SMOC2: variants seen among roughly 807,000 people sequenced by gnomAD.
SMOC2 encodes SPARC related modular calcium binding 2.
A neutral mutation model predicts 61.4 loss-of-function variants in SMOC2; 39 were observed. That is an observed-to-expected ratio of 0.64 (90% confidence interval 0.49 to 0.83). The LOEUF (loss-of-function observed/expected upper bound fraction) is 0.83, where lower values mean the gene tolerates loss of function less well. SMOC2 is among the 40% of genes least tolerant of loss of function. The probability of loss-of-function intolerance (pLI) is 0.00; values close to 1 mark genes in which losing one functional copy is unlikely to be tolerated. For synonymous variants in SMOC2, 247 were observed against 239.9 expected (o/e 1.03, Z -0.27); for missense variants, 556 against 592.9 (o/e 0.94, Z 0.65).
chr6:168,641,078 C>T (rs1195473459), intron 9 of SMOC2, among the ~76,000 whole-genome samples: 1 of 152,052 alleles, frequency 6.6e-6, no homozygotes, highest in Non-Finnish European at 1.5e-5. Flanking sequence ...AAAATTCAGG[C>T]AGAAATAGTT....
At chr6:168,456,981 G>A (rs1454222927) in intron 1 of SMOC2, among the ~76,000 whole-genome samples, 1 of 152,150 alleles carries the variant, frequency 6.6e-6, no homozygotes, top group Non-Finnish European at 1.5e-5. Context: ...TGAAGAAGCT[G>A]CTCGGGACAA....
In SMOC2 at chr6:168,486,110, G is replaced by A. The variant is rs573827170; in HGVS notation, c.85-23805G>A. ...ATTTATCTTCTCTACTTCTTACTGT[G>A]GGGACTGTTTGTCTTAGTGTCCCTG... is the stretch of plus-strand genomic sequence containing the variant. On this transcript the variant is annotated intron_variant, in intron 1 of 12. Coordinates refer to ENST00000356284, the MANE Select transcript of SMOC2 (RefSeq NM_001166412.2). Among the ~76,000 whole-genome samples, 7 of 152,234 alleles carry A rather than the reference G, an allele frequency of 4.6e-5. No individual in the cohort carries two copies. In the East Asian group the frequency reaches 7.7e-4, roughly 17 times the overall value.
chr6:168,558,896 T>C (rs1456454444), intron 7 of SMOC2, among the ~76,000 whole-genome samples: 2 of 151,902 alleles, frequency 1.3e-5, no homozygotes, highest in Non-Finnish European at 2.9e-5. Flanking sequence ...TGCGTGTGCA[T>C]GTGTGTGCAC....
chr6:168,571,364 C>G (rs1784661066), intron 7 of SMOC2, among the ~76,000 whole-genome samples: 1 of 152,134 alleles, frequency 6.6e-6, no homozygotes, highest in African/African-American at 2.4e-5. Flanking sequence ...ATGCCTGTGC[C>G]GTCGGCAAAT....
chr6:168,611,188 G>T (rs1306117175), intron 9 of SMOC2, among the ~76,000 whole-genome samples: 2 of 152,078 alleles, frequency 1.3e-5, no homozygotes, highest in Non-Finnish European at 2.9e-5. Flanking sequence ...TGGTGTGTCT[G>T]TTGGGCCCTA....
intron 2 of SMOC2, among the ~76,000 whole-genome samples, chr6:168,525,113 C>A (rs570730702): frequency 1.3e-5 from 2 of 152,200 alleles, no homozygotes; most frequent in Non-Finnish European, 2.9e-5. Flanking sequence ...TCTGGAAATA[C>A]GTTTTTTAAA....
At position 168,553,236 on chromosome 6, in the gene SMOC2, A is replaced by C. The variant is rs1356272720; in HGVS notation, c.637+4033A>C. On this transcript the variant is annotated intron_variant, in intron 7 of 12. Transcript: ENST00000356284. This position sits in a 1 kb window ranked among gnomAD's most constrained non-coding sequence, Gnocchi z 4.2. ...GTGAATCATATACATTAAATAAACGAGTAAAATCTGAAGTTGCCTGTTACT... is the reference window on the plus strand; with the variant it reads ...GTGAATCATATACATTAAATAAACGCGTAAAATCTGAAGTTGCCTGTTACT... Among the ~76,000 whole-genome samples, 1 of 152,198 alleles carries C rather than the reference A, an allele frequency of 6.6e-6. No individual in the cohort carries two copies. The highest frequency in any genetic ancestry group is 1.5e-5 in the Non-Finnish European group (1 of 68,032).
At chr6:168,518,778 TG>T (rs1783224859) in intron 2 of SMOC2, among the ~76,000 whole-genome samples, 1 of 151,560 alleles carries the variant, frequency 6.6e-6, no homozygotes, top group South Asian at 2.1e-4. Context: ...CGTGTGTGCA[TG>T]TGTGAAAGCA....
chr6:168,627,022 T>C (rs1156858424), intron 9 of SMOC2, among the ~76,000 whole-genome samples: 2 of 152,176 alleles, frequency 1.3e-5, no homozygotes, highest in Non-Finnish European at 2.9e-5. Flanking sequence ...TTTAACCAGC[T>C]TCAGAGAAGA....
chr6:168,518,307 A>G (rs1783196340), intron 2 of SMOC2, among the ~76,000 whole-genome samples: 2 of 151,162 alleles, frequency 1.3e-5, no homozygotes, highest in South Asian at 4.2e-4. Flanking sequence ...AATGTGTGAG[A>G]GGGCGTTTCT....
intron 2 of SMOC2, among the ~76,000 whole-genome samples, chr6:168,524,977 C>T (rs891036242): frequency 6.6e-6 from 1 of 152,250 alleles, no homozygotes; most frequent in Non-Finnish European, 1.5e-5. Context: ...CCATAGCCAG[C>T]ACTTTAACCA....
rs116025989 is a variant in SMOC2 at position 168,515,530 on chromosome 6, C to T, written c.256+5444C>T. On this transcript the variant is annotated intron_variant, in intron 2 of 12. Coordinates refer to ENST00000356284, the MANE Select transcript of SMOC2 (RefSeq NM_001166412.2). ...CCTTTGAAAAGGGGCTCCTGCCTCCCGTCTGCAGTTGGAGTTTTCCTAAAG... is the reference window on the plus strand; with the variant it reads ...CCTTTGAAAAGGGGCTCCTGCCTCCTGTCTGCAGTTGGAGTTTTCCTAAAG... 6.4e-3 allele frequency among the ~76,000 whole-genome samples: 855 copies of T among 134,558 alleles called. 11 individuals carry two copies. The highest frequency in any genetic ancestry group is 0.023 in the African/African-American group (802 of 35,304). The allele number at this position is 134,558 out of a possible 152,430, so 88.3% of individuals were successfully genotyped here.
Position 168,598,843 on chromosome 6 carries a change from G to C in SMOC2, c.663G>C (p.Gln221His), listed in dbSNP as rs144793825. 105 of 1,613,800 alleles carry C rather than the reference G, an allele frequency of 6.5e-5. No individual in the cohort carries two copies. In the Middle Eastern group the frequency reaches 8.3e-4, roughly 13 times the overall value. ...TGTCATCCTGTGACCAAGAGCACCA[G>C]TCTGCCCTGGAGGAAGCCAAGCAGC... The part of the protein sequence containing the change: ...NSVSSCDQEH[Q>H]SALEEAKQPK... The change falls in exon 8 of 13, where the codon CAG becomes CAC. Residue 221 changes from glutamine (Q) to histidine (H), a missense_variant. Gln to His is a conservative substitution (Grantham distance 24, BLOSUM62 0). Transcript: ENST00000356284.
At position 168,441,291 on chromosome 6, in the gene SMOC2, G is replaced by C; in HGVS notation, c.-80G>C. On this transcript the variant is annotated 5_prime_UTR_variant, in exon 1 of 13. Transcript: ENST00000356284. Reference sequence around the variant, plus strand: ...CCCCTCCACGCGCCCGCCCAGCCGCGCTCGCCCACTGGGCTCTCCCGGCTG... The same window carrying C: ...CCCCTCCACGCGCCCGCCCAGCCGCCCTCGCCCACTGGGCTCTCCCGGCTG... The C allele has an allele frequency of 7.0e-7, 1 of 1,429,984 alleles. No homozygotes were observed. The highest frequency in any genetic ancestry group is 9.1e-7 in the Non-Finnish European group (1 of 1,102,272). The allele number at this position is 1,429,984 out of a possible 1,614,324, so 88.6% of individuals were successfully genotyped here. A position where few individuals can be genotyped will look rare whatever the true frequency, so the allele number is the denominator to read the frequency against.
chr6:168,625,958 G>A (rs1174858256), intron 9 of SMOC2, among the ~76,000 whole-genome samples: 3 of 152,224 alleles, frequency 2.0e-5, no homozygotes, highest in Non-Finnish European at 4.4e-5. Flanking sequence ...TTGGACCCAG[G>A]AGTGAAGGTC....
chr6:168,613,756 C>G (rs373978963), intron 9 of SMOC2, among the ~76,000 whole-genome samples: 1 of 69,022 alleles, frequency 1.4e-5, no homozygotes, highest in African/African-American at 4.6e-5. Flanking sequence ...CCTCTTCACA[C>G]CTACAGCCAG....
At position 168,447,570 on chromosome 6, in the gene SMOC2, C is replaced by G. The variant is rs1781357941; in HGVS notation, c.84+6116C>G. Among the ~76,000 whole-genome samples, 7 of 152,158 alleles carry G rather than the reference C, an allele frequency of 4.6e-5. 1 individual carries two copies. In the South Asian group the frequency reaches 1.5e-3, roughly 32 times the overall value. On this transcript the variant is annotated intron_variant, in intron 1 of 12. Coordinates refer to ENST00000356284, the MANE Select transcript of SMOC2 (RefSeq NM_001166412.2). Reference sequence around the variant, plus strand: ...CTCACTGTTCCTATCCCTGCCCTAGCCCCCAGCCGAGGGCAGACATTTTTG... The same window carrying G: ...CTCACTGTTCCTATCCCTGCCCTAGGCCCCAGCCGAGGGCAGACATTTTTG...
At position 168,666,588 on chromosome 6, in the gene SMOC2, C is replaced by G; in HGVS notation, c.*150C>G. 1.2e-6 allele frequency: 1 copy of G among 804,090 alleles called. No homozygotes were observed. The highest frequency in any genetic ancestry group is 1.8e-5 in the South Asian group (1 of 55,976). 49.8% of individuals were successfully genotyped at this position (804,090 alleles called of 1,614,324 possible). ...TGTAGAAATGAGCTATTTAAACAGA[C>G]TGTTTTAATCTGTGAAAATGGAGAG... is the stretch of plus-strand genomic sequence containing the variant. On this transcript the variant is annotated 3_prime_UTR_variant, in exon 13 of 13. Transcript: ENST00000356284.
chr6:168,542,754 C>T (rs911119165), intron 4 of SMOC2, among the ~76,000 whole-genome samples: 7 of 152,210 alleles, frequency 4.6e-5, no homozygotes, highest in Non-Finnish European at 4.4e-5. Flanking sequence ...TGCCACATTA[C>T]TATTGCATTT....
Sources: allele counts gnomAD v4.1 joint callset (sites outside exome capture counted in the v4.1 genomes callset), GRCh38; gene constraint gnomAD v4.1.1; non-coding constraint Gnocchi (gnomAD v3.1); transcripts MANE v1.5; gene names NCBI Gene and HGNC (gene_info 2026-07-23, HGNC 2026-07-21).